The following CAST variants were observed in gnomAD, a reference collection of about 807,000 sequenced individuals.
CAST encodes the protein calpastatin, also known as MIR583 host.
In CAST, 76 loss-of-function variants were observed where a neutral mutation model predicts 119.6. The ratio of observed to expected loss-of-function variants is 0.64; its 90% CI spans 0.53 to 0.77. The LOEUF (loss-of-function observed/expected upper bound fraction) is 0.77. Ranked by LOEUF, CAST falls within the 30% of genes least tolerant of loss-of-function variation. The pLI is 0.00. For missense variants in CAST, 953 were observed against 946.5 expected (o/e 1.01, Z -0.09); for synonymous variants, 319 against 331.6 (o/e 0.96, Z 0.41).
intron 1 of CAST, among the ~76,000 whole-genome samples, chr5:96,546,943 A>G (rs369288760): frequency 6.6e-6 from 1 of 152,240 alleles, no homozygotes; most frequent in South Asian, 2.1e-4. Flanking sequence ...TGCAGAGAGC[A>G]GGAAAACTGA....
At chr5:96,445,266 G>A in the CAST span, among the ~76,000 whole-genome samples, 1 of 152,104 alleles carries the variant, frequency 6.6e-6, no homozygotes, top group African/African-American at 2.4e-5. Context: ...AGAAGCTGGG[G>A]AAGATTGCTT....
the CAST span, among the ~76,000 whole-genome samples, chr5:96,219,543 T>C: frequency 0.74 from 113,018 of 152,164 alleles, 42,183 homozygotes; most frequent in East Asian, 0.84. Context: ...TGGTGGCCCA[T>C]GCCTGTAATC....
At chr5:96,147,730 T>C in the CAST span, among the ~76,000 whole-genome samples, 1 of 152,252 alleles carries the variant, frequency 6.6e-6, no homozygotes, top group Non-Finnish European at 1.5e-5. Flanking sequence ...AGCCACCACC[T>C]CTTTTTCTTT....
Position 96,774,655 on chromosome 5 carries a change from C to G in CAST, c.*2039C>G, listed in dbSNP as rs1039377553. ...GTTTCATTAATCAAGGCATAAAATA[C>G]AATTAAAGCAAAATATTTTACATTA... On this transcript the variant is annotated 3_prime_UTR_variant, in exon 32 of 32. Coordinates refer to ENST00000675179, the MANE Select transcript of CAST (RefSeq NM_001750.7). 1 of 983,862 alleles carries G rather than the reference C, an allele frequency of 1.0e-6. No homozygotes were observed. The highest frequency in any genetic ancestry group is 1.1e-4 in the East Asian group (1 of 8,928). The allele number at this position is 983,862 out of a possible 1,614,324, so 60.9% of individuals were successfully genotyped here. A position where few individuals can be genotyped will look rare whatever the true frequency, so the allele number is the denominator to read the frequency against.
At chr5:96,490,769 A>C in the CAST span, among the ~76,000 whole-genome samples, 5 of 152,234 alleles carry the variant, frequency 3.3e-5, no homozygotes, top group East Asian at 7.7e-4. Context: ...TGTAGATCTA[A>C]ATATGAAGTG....
At chr5:96,434,822 C>T in the CAST span, among the ~76,000 whole-genome samples, 1 of 152,158 alleles carries the variant, frequency 6.6e-6, no homozygotes, top group Non-Finnish European at 1.5e-5. Context: ...TTTGCCTCCA[C>T]GTTTGCAGAA....
At chr5:96,365,668 A>C in the CAST span, among the ~76,000 whole-genome samples, 66 of 151,652 alleles carry the variant, frequency 4.4e-4, no homozygotes, top group Middle Eastern at 0.01. Context: ...TTTGTTTTCC[A>C]TTTGCTTGGA....
the CAST span, among the ~76,000 whole-genome samples, chr5:96,275,054 G>A: frequency 5.3e-5 from 8 of 152,174 alleles, no homozygotes; most frequent in Non-Finnish European, 1.0e-4. Context: ...CAATTAACAC[G>A]TTGAGGTGGT....
intron 22 of CAST, among the ~76,000 whole-genome samples, chr5:96,756,122 C>T (rs1056162607): frequency 6.6e-6 from 1 of 152,194 alleles, no homozygotes; most frequent in Non-Finnish European, 1.5e-5. Context: ...AGCTTCATCT[C>T]ATTTAAATCC....
chr5:96,733,033 G>A (rs1760883624), intron 9 of CAST, among the ~76,000 whole-genome samples: 1 of 152,148 alleles, frequency 6.6e-6, no homozygotes, highest in Non-Finnish European at 1.5e-5. Flanking sequence ...TAAAAGTATG[G>A]CACATCTCCC....
chr5:96,072,667 G>T, the CAST span, among the ~76,000 whole-genome samples: 8 of 152,188 alleles, frequency 5.3e-5, no homozygotes, highest in Admixed American at 1.3e-4. Flanking sequence ...TTACGCATTT[G>T]CTGCTACTTT....
At chr5:96,406,817 A>G in the CAST span, among the ~76,000 whole-genome samples, 1 of 152,260 alleles carries the variant, frequency 6.6e-6, no homozygotes, top group Non-Finnish European at 1.5e-5. Flanking sequence ...GTAATTTACA[A>G]GTTTAATCAC....
chr5:96,231,706 G>A, the CAST span, among the ~76,000 whole-genome samples: 1 of 151,910 alleles, frequency 6.6e-6, no homozygotes, highest in Non-Finnish European at 1.5e-5. Context: ...AAATAATTGT[G>A]TTGGGTAATA....
At chr5:96,220,754 C>T in the CAST span, among the ~76,000 whole-genome samples, 2 of 152,162 alleles carry the variant, frequency 1.3e-5, no homozygotes, top group Non-Finnish European at 2.9e-5. Flanking sequence ...TAGTTCTAAG[C>T]TTAGTTGGCT....
chr5:96,035,177 G>GTA, the CAST span, among the ~76,000 whole-genome samples: 8 of 129,852 alleles, frequency 6.2e-5, no homozygotes, highest in African/African-American at 2.3e-4. Flanking sequence ...ATATTTTGAA[G>GTA]TATATATATA....
intron 2 of CAST, among the ~76,000 whole-genome samples, chr5:96,689,869 T>C (rs901365218): frequency 2.6e-5 from 4 of 152,220 alleles, no homozygotes; most frequent in Admixed American, 2.6e-4. Context: ...CATTTCCCTC[T>C]TTCTTCCTTG....
the CAST span, among the ~76,000 whole-genome samples, chr5:96,036,813 A>T: frequency 6.6e-6 from 1 of 152,168 alleles, no homozygotes; most frequent in Non-Finnish European, 1.5e-5. Flanking sequence ...TATGTTCATT[A>T]TCCCAAGATA....
chr5:96,152,402 T>G, the CAST span, among the ~76,000 whole-genome samples: 12 of 152,204 alleles, frequency 7.9e-5, no homozygotes, highest in African/African-American at 2.9e-4. Context: ...TTCTCTGGGT[T>G]TCCGGCTGGC....
chr5:96,743,470 C>T (rs550411479), intron 16 of CAST: 9 of 1,034,396 alleles, frequency 8.7e-6, no homozygotes, highest in Non-Finnish European at 1.2e-5. Context: ...CCCCAGGAGC[C>T]CGCCCCACCT....
Sources: gnomAD v4.1 joint callset for allele counts (sites outside exome capture counted in the v4.1 genomes callset) on GRCh38, gnomAD v4.1.1 for gene constraint, MANE v1.5 for transcripts, NCBI Gene and HGNC (gene_info 2026-07-23, HGNC 2026-07-21) for gene names.